S100Z: variants seen among roughly 807,000 people sequenced by gnomAD.
The protein encoded by S100Z is protein S100-Z.
Under a neutral mutation model 8.5 loss-of-function variants are expected in S100Z, and 11 were observed. The observed-to-expected ratio is 1.30, with a 90% CI of 0.82 to 2.15. The LOEUF (loss-of-function observed/expected upper bound fraction) is 2.15. S100Z is among the 30% of genes most tolerant of loss of function. The pLI, the probability that S100Z is intolerant of heterozygous loss-of-function variation, is 0.00. For missense variants in S100Z, 126 were observed against 117.9 expected, an observed-to-expected ratio of 1.07 and a Z score of -0.32; for synonymous variants, 34 against 43.8, an observed-to-expected ratio of 0.78 and a Z score of 0.89.
At chr5:76,850,780 A>G (rs1729291680) in intron 1 of S100Z, among the ~76,000 whole-genome samples, 1 of 152,172 alleles carries the variant, frequency 6.6e-6, no homozygotes. Context: ...TGGTGAGAGG[A>G]CACAAAATTT....
At chr5:76,885,993 C>T (rs1004453272) in intron 4 of S100Z, among the ~76,000 whole-genome samples, 8 of 138,302 alleles carry the variant, frequency 5.8e-5, no homozygotes, top group Non-Finnish European at 1.1e-4. Flanking sequence ...GGGTGCTTGT[C>T]CCCCAGAAAA....
intron 4 of S100Z, among the ~76,000 whole-genome samples, chr5:76,879,346 TG>T (rs1188315183): frequency 2.0e-5 from 3 of 152,076 alleles, no homozygotes; most frequent in Non-Finnish European, 4.4e-5. Flanking sequence ...TCTCATTATG[TG>T]GGGGGAAAAA....
At chr5:76,926,512 T>C (rs985252332), downstream of S100Z, among the ~76,000 whole-genome samples, 6 of 152,076 alleles carry the variant, frequency 3.9e-5, no homozygotes, top group Admixed American at 3.3e-4. Flanking sequence ...GACTGGCTGC[T>C]CCTCAGGATC....
chr5:76,850,474 G>A (rs1750695759), intron 1 of S100Z, among the ~76,000 whole-genome samples: 1 of 152,130 alleles, frequency 6.6e-6, no homozygotes, highest in South Asian at 2.1e-4. Context: ...CTTCCTGCTT[G>A]GCCTTCACCT....
chr5:76,869,486 G>A (rs1271013439), intron 1 of S100Z, among the ~76,000 whole-genome samples: 2 of 152,172 alleles, frequency 1.3e-5, no homozygotes, highest in Non-Finnish European at 2.9e-5. Flanking sequence ...ATGGAAGAAT[G>A]GGAGCTCCCA....
At chr5:76,865,172 C>T (rs1751224077) in intron 1 of S100Z, among the ~76,000 whole-genome samples, 3 of 151,634 alleles carry the variant, frequency 2.0e-5, no homozygotes, top group South Asian at 2.1e-4. Context: ...GATGTAGAGA[C>T]GGAACACAGC....
chr5:76,879,901 T>C (rs918884291), intron 4 of S100Z, among the ~76,000 whole-genome samples: 1 of 152,010 alleles, frequency 6.6e-6, no homozygotes, highest in Non-Finnish European at 1.5e-5. Context: ...AGGTGGAGGT[T>C]GTCTCACGCA....
intron 4 of S100Z, among the ~76,000 whole-genome samples, chr5:76,898,485 CCA>C (rs1490183165): frequency 1.3e-5 from 2 of 152,018 alleles, no homozygotes; most frequent in Non-Finnish European, 2.9e-5. Flanking sequence ...CCCTCTATCC[CCA>C]GTTTTTTGAG....
the S100Z span, among the ~76,000 whole-genome samples, chr5:76,941,094 T>C: frequency 1.3e-5 from 2 of 152,140 alleles, no homozygotes; most frequent in Admixed American, 1.3e-4. Context: ...GAAAAGAGGT[T>C]TAATTGGCTC....
chr5:76,930,575 A>G, the S100Z span, among the ~76,000 whole-genome samples: 4 of 152,158 alleles, frequency 2.6e-5, no homozygotes, highest in African/African-American at 9.7e-5. Flanking sequence ...CTTCTATTCA[A>G]TCCTCAGCAA....
intron 1 of S100Z, among the ~76,000 whole-genome samples, chr5:76,859,955 T>C (rs1751007837): frequency 6.6e-6 from 1 of 152,154 alleles, no homozygotes; most frequent in Admixed American, 6.6e-5. Flanking sequence ...TTAAGGCTAA[T>C]TCTTTGTGGA....
At chr5:76,943,087 G>C in the S100Z span, among the ~76,000 whole-genome samples, 1 of 152,162 alleles carries the variant, frequency 6.6e-6, no homozygotes. Flanking sequence ...GTATACATGT[G>C]CCACAGTGGG....
the S100Z span, among the ~76,000 whole-genome samples, chr5:76,948,121 T>A: frequency 6.6e-6 from 1 of 151,886 alleles, no homozygotes; most frequent in Admixed American, 6.6e-5. Context: ...AGGTCAGAAG[T>A]TCGAAACCAT....
Position 76,875,512 on chromosome 5 carries a change from C to A in S100Z, c.141+12C>A. ...CGGAATTCCTCTCGGTGAGTCAGGC[C>A]TTTGTAAATGCTGTATTCATTTGAG... On this transcript the variant is annotated intron_variant, in intron 3 of 4. Transcript: ENST00000317593. 6.3e-7 allele frequency: 1 copy of A among 1,598,136 alleles called. No homozygotes were observed.
At chr5:76,933,118 G>C in the S100Z span, among the ~76,000 whole-genome samples, 1 of 152,168 alleles carries the variant, frequency 6.6e-6, no homozygotes, top group African/African-American at 2.4e-5. Context: ...TCCAAGTTTG[G>C]GATAAAATTG....
At chr5:76,874,760 A>G (rs975095679) in intron 2 of S100Z, among the ~76,000 whole-genome samples, 2 of 152,146 alleles carry the variant, frequency 1.3e-5, no homozygotes, top group Admixed American at 6.5e-5. Context: ...TCTTATGAAT[A>G]TGCTGGAGCT....
At chr5:76,938,277 C>A in the S100Z span, among the ~76,000 whole-genome samples, 2 of 152,172 alleles carry the variant, frequency 1.3e-5, no homozygotes, top group African/African-American at 4.8e-5. Context: ...GACCTACAAT[C>A]AAACAAAGTA....
rs187828301 is a variant in S100Z at position 76,863,688 on chromosome 5, G to A, written c.-175-6478G>A. On this transcript the variant is annotated intron_variant, in intron 1 of 4. Transcript: ENST00000317593. Reference sequence around the variant, plus strand: ...CAAGTAGCTGGGACTACAGGCACCCGCCACCACACCCAGCTAATTTTTTGT... The same window carrying A: ...CAAGTAGCTGGGACTACAGGCACCCACCACCACACCCAGCTAATTTTTTGT... 2.7e-3 allele frequency among the ~76,000 whole-genome samples: 410 copies of A among 151,858 alleles called. 5 individuals are homozygous for A. The highest frequency in any genetic ancestry group is 0.022 in the East Asian group (114 of 5,160).
intron 4 of S100Z, 157 bp downstream of exon 4, chr5:76,877,991 C>A: frequency 2.2e-6 from 1 of 451,882 alleles, no homozygotes. Flanking sequence ...AATTATGTGC[C>A]CCTTAAAATA....
Sources: allele counts gnomAD v4.1 joint callset (sites outside exome capture counted in the v4.1 genomes callset), GRCh38; gene constraint gnomAD v4.1.1; transcripts MANE v1.5; gene names NCBI Gene and HGNC (gene_info 2026-07-23, HGNC 2026-07-21).